Variants in CCDC66 observed in about 807,000 individuals in gnomAD.
The protein encoded by CCDC66 is coiled-coil domain-containing protein 66.
A neutral mutation model predicts 128.3 loss-of-function variants in CCDC66; 133 were observed. The ratio of observed to expected loss-of-function variants is 1.04; its 90% CI spans 0.90 to 1.20. The LOEUF (loss-of-function observed/expected upper bound fraction) is 1.20, where lower values mean the gene tolerates loss of function less well. CCDC66 is among the 50% of genes most tolerant of loss of function. CCDC66 has a pLI of 0.00. For missense variants in CCDC66, 1,126 were observed against 1,075.5 expected (o/e 1.05, Z -0.66); for synonymous variants, 387 against 357.0 (o/e 1.08, Z -0.95).
intron 7 of CCDC66, among the ~76,000 whole-genome samples, chr3:56,578,648 G>A (rs1048149475): frequency 6.6e-6 from 1 of 151,648 alleles, no homozygotes; most frequent in African/African-American, 2.4e-5. Context: ...AAGGCCTTTT[G>A]TGCAACTATT....
At position 56,559,450 on chromosome 3, in the gene CCDC66, C is replaced by T. The variant is rs543162384; in HGVS notation, c.77-119C>T. 1.1e-5 allele frequency: 7 copies of T among 628,176 alleles called. No homozygotes were observed. In the African/African-American group the frequency reaches 1.4e-4, roughly 12 times the overall value. 38.9% of individuals were successfully genotyped at this position (628,176 alleles called of 1,614,324 possible). Reference sequence around the variant, plus strand: ...ACTCAGTCAAGATCTAAAGTTTATGCTTTCGAGGATAATGTTGCTAGCTTA... The same window carrying T: ...ACTCAGTCAAGATCTAAAGTTTATGTTTTCGAGGATAATGTTGCTAGCTTA... On this transcript the variant is annotated intron_variant, in intron 2 of 17. Coordinates refer to ENST00000394672, the MANE Select transcript of CCDC66 (RefSeq NM_001141947.3).
chr3:56,590,195 C>T (rs1192726492), intron 7 of CCDC66, among the ~76,000 whole-genome samples: 1 of 152,182 alleles, frequency 6.6e-6, no homozygotes. Context: ...ATGGCAAAGT[C>T]AACACTGAGT....
chr3:56,600,505 A>G (rs1246076958), intron 10 of CCDC66, among the ~76,000 whole-genome samples: 4 of 151,962 alleles, frequency 2.6e-5, no homozygotes, highest in East Asian at 1.9e-4. Context: ...TAGTAATGGG[A>G]TTGCTGGGTC....
intron 10 of CCDC66, among the ~76,000 whole-genome samples, chr3:56,602,218 T>A (rs282539): frequency 0.73 from 111,078 of 151,936 alleles, 41,583 homozygotes; most frequent in Non-Finnish European, 0.81. Context: ...GTGCAACTAT[T>A]GAGATAATCA....
At chr3:56,586,065 G>A (rs1009068082) in intron 7 of CCDC66, among the ~76,000 whole-genome samples, 3 of 151,884 alleles carry the variant, frequency 2.0e-5, no homozygotes, top group South Asian at 2.1e-4. Context: ...TGGTGGTATT[G>A]TCTCACTCTG....
intron 10 of CCDC66, among the ~76,000 whole-genome samples, chr3:56,606,968 T>A (rs887950126): frequency 1.5e-4 from 23 of 152,226 alleles, no homozygotes; most frequent in Admixed American, 1.5e-3. Context: ...TTGGGTTTAT[T>A]TCTGGGTTCT....
chr3:56,596,960 A>G (rs1327056567), intron 10 of CCDC66, among the ~76,000 whole-genome samples: 1 of 142,014 alleles, frequency 7.0e-6, no homozygotes, highest in Non-Finnish European at 1.5e-5. Context: ...GGGTTTCACC[A>G]TGTTGGCCAG....
intron 3 of CCDC66, 29 bp from the exon 4 acceptor site, chr3:56,563,655 T>C (rs934331310): frequency 8.7e-6 from 13 of 1,495,524 alleles, no homozygotes; most frequent in South Asian, 2.6e-5. Context: ...TGGACAGTTA[T>C]AAAGAATAAG....
intron 7 of CCDC66, among the ~76,000 whole-genome samples, chr3:56,579,038 C>T (rs555011027): frequency 3.3e-5 from 5 of 151,886 alleles, no homozygotes; most frequent in Admixed American, 6.6e-5. Context: ...TCCGTTTGGT[C>T]CTGGACTTTT....
chr3:56,613,432 C>T (rs2075108872), intron 10 of CCDC66, among the ~76,000 whole-genome samples, 157 bp from the exon 11 acceptor site: 1 of 152,166 alleles, frequency 6.6e-6, no homozygotes, highest in Admixed American at 6.5e-5. Flanking sequence ...TTCCACTGTT[C>T]TCTGTTAGAT....
intron 7 of CCDC66, among the ~76,000 whole-genome samples, chr3:56,588,174 GTA>G (rs1387269990): frequency 1.3e-5 from 2 of 152,194 alleles, no homozygotes; most frequent in African/African-American, 4.8e-5. Context: ...GAGTTGGAGA[GTA>G]TTATTTTAAG....
intron 10 of CCDC66, among the ~76,000 whole-genome samples, chr3:56,598,817 A>C (rs1474280166): frequency 6.6e-6 from 1 of 152,030 alleles, no homozygotes; most frequent in Non-Finnish European, 1.5e-5. Context: ...TGAGTTTGCT[A>C]GTATTTTGTT....
chr3:56,566,524 T>A, intron 4 of CCDC66, 70 bp from the exon 5 acceptor site: 1 of 1,011,044 alleles, frequency 9.9e-7, no homozygotes, highest in Non-Finnish European at 1.5e-6. Context: ...AAGAACTGTA[T>A]AGCACTATGC....
intron 7 of CCDC66, among the ~76,000 whole-genome samples, chr3:56,581,676 T>C (rs1315172345): frequency 1.3e-5 from 2 of 151,784 alleles, no homozygotes; most frequent in Non-Finnish European, 2.9e-5. Flanking sequence ...TTGCTGGAGG[T>C]CCACTCCAGA....
chr3:56,613,662 A>C lies in CCDC66; in HGVS notation c.1478A>C (p.Glu493Ala). The change falls in exon 11 of 18, where the codon GAA becomes GCA. Residue 493 changes from glutamate (E) to alanine (A), a missense_variant. Physicochemically the swap from Glu to Ala is moderately radical, Grantham distance 107. Transcript: ENST00000394672. ...QLEEEQRKKE[E>A]QEEELRLAQE... ...GAGGAAGAGCAAAGAAAGAAGGAAG[A>C]ACAAGAAGAGGAGCTTCGCTTAGCA... The C allele has an allele frequency of 1.9e-6, 3 of 1,614,126 alleles. No individual in the cohort carries two copies. Among genetic ancestry groups the C allele is most frequent in the Non-Finnish European group, 2.5e-6 (3 of 1,179,960 alleles).
At chr3:56,599,977 C>T (rs893632574) in intron 10 of CCDC66, among the ~76,000 whole-genome samples, 1 of 151,930 alleles carries the variant, frequency 6.6e-6, no homozygotes, top group African/African-American at 2.4e-5. Context: ...TTATGGTTTC[C>T]AGCTTCATCC....
intron 4 of CCDC66, among the ~76,000 whole-genome samples, chr3:56,565,679 T>C (rs2065736668): frequency 6.6e-6 from 1 of 151,390 alleles, no homozygotes; most frequent in South Asian, 2.1e-4. Context: ...TCTCGCTGCG[T>C]CGCCCAGGCT....
chr3:56,586,333 C>T (rs1326513185), intron 7 of CCDC66, among the ~76,000 whole-genome samples: 3 of 150,748 alleles, frequency 2.0e-5, no homozygotes, highest in African/African-American at 7.3e-5. Context: ...TCGAGACCAT[C>T]CTGGCCAACA....
intron 10 of CCDC66, among the ~76,000 whole-genome samples, chr3:56,606,157 T>C (rs1031014003): frequency 3.3e-5 from 5 of 152,064 alleles, no homozygotes; most frequent in African/African-American, 1.2e-4. Flanking sequence ...AACCTCAGAC[T>C]GTTGTGCTGG....
Sources: allele counts gnomAD v4.1 joint callset (sites outside exome capture counted in the v4.1 genomes callset), GRCh38; gene constraint gnomAD v4.1.1; transcripts MANE v1.5; gene names NCBI Gene and HGNC (gene_info 2026-07-23, HGNC 2026-07-21).